MCC: variants seen among roughly 807,000 people sequenced by gnomAD.
MCC encodes colorectal mutant cancer protein.
MCC carries 90 observed loss-of-function variants against 116.2 expected under a neutral mutation model. That is an observed-to-expected ratio of 0.77 (90% CI 0.65 to 0.92). The LOEUF (loss-of-function observed/expected upper bound fraction) is 0.92, where lower values mean the gene tolerates loss of function less well. Among genes scored for constraint, MCC ranks in the 40% least tolerant of loss-of-function variants. MCC has a pLI of 0.00. For missense variants in MCC, 1,516 were observed against 1,312.2 expected (o/e 1.16, Z -2.40); for synonymous variants, 578 against 510.5 (o/e 1.13, Z -1.78).
chr5:113,378,283 C>CT (rs961339015), intron 2 of MCC, among the ~76,000 whole-genome samples: 13 of 151,920 alleles, frequency 8.6e-5, no homozygotes, highest in Admixed American at 5.2e-4. Flanking sequence ...TTAGAGAAAA[C>CT]TTTTTTTTAC....
intron 3 of MCC, among the ~76,000 whole-genome samples, chr5:113,243,267 C>T (rs1764447173): frequency 6.6e-6 from 1 of 152,054 alleles, no homozygotes; most frequent in South Asian, 2.1e-4. Flanking sequence ...ATCATCAGCA[C>T]ATATAAATGG....
At chr5:113,049,483 G>A (rs1451076556) in intron 15 of MCC, among the ~76,000 whole-genome samples, 184 bp from the exon 16 acceptor site, 1 of 152,236 alleles carries the variant, frequency 6.6e-6, no homozygotes, top group Non-Finnish European at 1.5e-5. Context: ...CACTTCTAAA[G>A]GAATGACGTA....
intron 2 of MCC, among the ~76,000 whole-genome samples, chr5:113,362,069 A>G (rs1168296920): frequency 6.6e-6 from 1 of 152,216 alleles, no homozygotes; most frequent in Non-Finnish European, 1.5e-5. Context: ...CCACCCTCAT[A>G]TATCTATGTC....
chr5:113,170,178 T>C (rs1421832728), intron 3 of MCC, among the ~76,000 whole-genome samples: 1 of 152,194 alleles, frequency 6.6e-6, no homozygotes, highest in Non-Finnish European at 1.5e-5. Flanking sequence ...TTGATGGTAG[T>C]GTCTTAATCT....
chr5:113,428,230 A>C (rs1469812765), intron 1 of MCC, among the ~76,000 whole-genome samples: 1 of 152,156 alleles, frequency 6.6e-6, no homozygotes, highest in African/African-American at 2.4e-5. Flanking sequence ...AAGAAAAACA[A>C]ATGAATCCCA....
chr5:113,058,435 A>G (rs967607395), intron 14 of MCC, among the ~76,000 whole-genome samples: 2 of 152,130 alleles, frequency 1.3e-5, no homozygotes, highest in African/African-American at 2.4e-5. Flanking sequence ...GGAACTCTGG[A>G]GGTGGAGCCC....
At chr5:113,083,115 G>A in intron 10 of MCC, 107 bp from the exon 11 acceptor site, 3 of 1,069,278 alleles carry the variant, frequency 2.8e-6, no homozygotes, top group Admixed American at 2.5e-5. Flanking sequence ...CGGGGACTGG[G>A]AGGATGGTTA....
At chr5:113,462,018 G>GTTTA (rs1347687857) in intron 1 of MCC, among the ~76,000 whole-genome samples, 3 of 152,166 alleles carry the variant, frequency 2.0e-5, no homozygotes, top group Admixed American at 2.0e-4. Context: ...AAGTAAAAGG[G>GTTTA]TTTAACCTGC....
chr5:113,333,846 T>TAC lies in MCC; in HGVS notation c.627+6672_627+6673insGT, dbSNP rs1554076903. Among the ~76,000 whole-genome samples the TAC allele has an allele frequency of 3.2e-4, 20 of 62,638 alleles. 3 individuals are homozygous for TAC. Among genetic ancestry groups the TAC allele is most frequent in the Admixed American group, 6.1e-4 (3 of 4,886 alleles). The allele number at this position is 62,638 out of a possible 152,430, so 41.1% of individuals were successfully genotyped here. A position where few individuals can be genotyped will look rare whatever the true frequency, so the allele number is the denominator to read the frequency against. ...ATATATGTATATATGTATATATGTA[T>TAC]ATATGTACATATATGTATATATGTA... On this transcript the variant is annotated intron_variant, in intron 3 of 18. Coordinates refer to ENST00000408903, the MANE Select transcript of MCC (RefSeq NM_001085377.2).
Position 113,106,590 on chromosome 5 carries a change from G to T in MCC, c.1028-2235C>A, listed in dbSNP as rs374779457. 1.7e-4 allele frequency among the ~76,000 whole-genome samples: 26 copies of T among 151,988 alleles called. No individual in the cohort carries two copies. In the South Asian group the frequency reaches 2.1e-3, roughly 12 times the overall value. Reference sequence around the variant, plus strand: ...GGGTCTTGCTCTGTTGCATAGGCTGGAGTACAATCCTGTGGAGTACAGGCA... The same window carrying T: ...GGGTCTTGCTCTGTTGCATAGGCTGTAGTACAATCCTGTGGAGTACAGGCA... On this transcript the variant is annotated intron_variant, in intron 6 of 18. Transcript: ENST00000408903.
intron 3 of MCC, among the ~76,000 whole-genome samples, chr5:113,216,983 C>G (rs1763345185): frequency 6.6e-6 from 1 of 152,262 alleles, no homozygotes; most frequent in African/African-American, 2.4e-5. Flanking sequence ...TAAGTAGAAA[C>G]AATTATTACT....
chr5:113,419,165 C>T (rs922025594), intron 1 of MCC, among the ~76,000 whole-genome samples: 4 of 148,714 alleles, frequency 2.7e-5, no homozygotes, highest in African/African-American at 7.6e-5. Flanking sequence ...TCTTTTTTTT[C>T]TTTCTTTTTT....
chr5:113,335,907 A>G (rs777703719), intron 3 of MCC, among the ~76,000 whole-genome samples: 3 of 151,778 alleles, frequency 2.0e-5, no homozygotes, highest in Non-Finnish European at 4.4e-5. Flanking sequence ...TTACTGTCGT[A>G]GTCTGTTTTG....
chr5:113,423,544 G>A lies in MCC; in HGVS notation c.171-38332C>T, dbSNP rs77930114. Among the ~76,000 whole-genome samples, 63 of 152,250 alleles carry A rather than the reference G, an allele frequency of 4.1e-4. No homozygotes were observed. The East Asian group carries it at 0.01, about 25-fold the overall frequency. Reference sequence around the variant, plus strand: ...AATGAGAATTAACTGGTATAATAACGAGGAGAACAGAAGTGATGATTAGAA... The same window carrying A: ...AATGAGAATTAACTGGTATAATAACAAGGAGAACAGAAGTGATGATTAGAA... On this transcript the variant is annotated intron_variant, in intron 1 of 18. Coordinates refer to ENST00000408903, the MANE Select transcript of MCC (RefSeq NM_001085377.2).
intron 3 of MCC, among the ~76,000 whole-genome samples, chr5:113,271,757 C>T (rs976219363): frequency 6.6e-6 from 1 of 152,158 alleles, no homozygotes; most frequent in Non-Finnish European, 1.5e-5. Context: ...GGAGTAGGTT[C>T]CTCAGAAAAG....
At chr5:113,343,652 C>T (rs1200059321) in intron 2 of MCC, among the ~76,000 whole-genome samples, 2 of 152,216 alleles carry the variant, frequency 1.3e-5, no homozygotes, top group East Asian at 3.8e-4. Flanking sequence ...ACTCTCAGCA[C>T]CGTGCACATG....
intron 3 of MCC, among the ~76,000 whole-genome samples, chr5:113,157,488 C>T (rs1760234864): frequency 6.6e-6 from 1 of 152,220 alleles, no homozygotes; most frequent in Non-Finnish European, 1.5e-5. Flanking sequence ...GAGTTCATCC[C>T]CACAGGCCCT....
chr5:113,485,792 T>C (rs1348244969), intron 1 of MCC, among the ~76,000 whole-genome samples: 1 of 152,238 alleles, frequency 6.6e-6, no homozygotes, highest in Non-Finnish European at 1.5e-5. Flanking sequence ...GTTACTGTGA[T>C]GACATATAGT....
At chr5:113,392,445 C>G (rs11738075) in intron 1 of MCC, among the ~76,000 whole-genome samples, 28,719 of 151,542 alleles carry the variant, frequency 0.19, 3,285 homozygotes, top group Admixed American at 0.31. Context: ...GACAAGGAAA[C>G]AGAAACTTTC....
Sources: gnomAD v4.1 joint callset for allele counts (sites outside exome capture counted in the v4.1 genomes callset) on GRCh38, gnomAD v4.1.1 for gene constraint, MANE v1.5 for transcripts, NCBI Gene and HGNC (gene_info 2026-07-23, HGNC 2026-07-21) for gene names.